The following IFT140 variants were observed in gnomAD, a reference collection of about 807,000 sequenced individuals.
IFT140 encodes intraflagellar transport 140.
In IFT140, 133 loss-of-function variants were observed where a neutral mutation model predicts 164.6. The observed-to-expected ratio is 0.81, with a 90% confidence interval of 0.70 to 0.93. The LOEUF is 0.93. Ranked by LOEUF, IFT140 falls within the 40% of genes least tolerant of loss-of-function variation. IFT140 has a pLI of 0.00. For synonymous variants in IFT140, 860 were observed against 817.3 expected (o/e 1.05, Z -0.89); for missense variants, 2,045 against 1,972.3 (o/e 1.04, Z -0.70).
intron 3 of IFT140, among the ~76,000 whole-genome samples, chr16:1,605,813 A>G (rs1178570756): frequency 6.6e-6 from 1 of 152,090 alleles, no homozygotes; most frequent in Non-Finnish European, 1.5e-5. Context: ...TGTCCCCACA[A>G]AGATATGTGG....
chr16:1,511,232 T>C, intron 30 of IFT140, 82 bp from the exon 31 acceptor site: 1 of 1,375,256 alleles, frequency 7.3e-7, no homozygotes, highest in East Asian at 2.5e-5. Context: ...CACGTGCTGC[T>C]GCCCCTGGAG....
intron 2 of IFT140, among the ~76,000 whole-genome samples, chr16:1,608,631 CAAA>C (rs10675170): frequency 1.2e-5 from 1 of 83,716 alleles, no homozygotes; most frequent in African/African-American, 4.8e-5. Context: ...GACTCCGCCT[CAAA>C]AAAAAAAAAA....
At chr16:1,570,274 G>A (rs1215481998) in intron 14 of IFT140, among the ~76,000 whole-genome samples, 1 of 152,194 alleles carries the variant, frequency 6.6e-6, no homozygotes, top group Non-Finnish European at 1.5e-5. Context: ...ACAGAGTGAG[G>A]AAATATGTGT....
In IFT140 at chr16:1,535,113, C is replaced by T. The variant is rs138222321; in HGVS notation, c.2400-8317G>A. ...AATAAACAAGAAGTTTAAAAATACA[C>T]GGGTGAGTTCTGGCTTTGTTCTCAC... On this transcript the variant is annotated intron_variant, in intron 19 of 30. Coordinates refer to ENST00000426508, the MANE Select transcript of IFT140 (RefSeq NM_014714.4). Among the ~76,000 whole-genome samples the T allele has an allele frequency of 2.6e-3, 392 of 152,164 alleles. 2 individuals are homozygous for T. The highest frequency in any genetic ancestry group is 0.014 in the Middle Eastern group (4 of 294).
At chr16:1,556,166 A>G (rs8053335) in intron 19 of IFT140, among the ~76,000 whole-genome samples, 12,481 of 152,358 alleles carry the variant, frequency 0.082, 617 homozygotes, top group African/African-American at 0.13. Flanking sequence ...TTGGTGGGCT[A>G]CAAAATTCCT....
At chr16:1,522,475 C>T (rs777294580) in intron 26 of IFT140, among the ~76,000 whole-genome samples, 21 of 152,184 alleles carry the variant, frequency 1.4e-4, no homozygotes, top group African/African-American at 4.3e-4. Context: ...GTGGAGGTTG[C>T]GGTGAGCTGA....
chr16:1,580,922 C>T, intron 12 of IFT140, 72 bp from the exon 13 acceptor site: 1 of 965,432 alleles, frequency 1.0e-6, no homozygotes, highest in South Asian at 1.3e-5. Context: ...CAGGAGCATT[C>T]CCACACACGA....
intron 19 of IFT140, among the ~76,000 whole-genome samples, chr16:1,538,545 C>A (rs1209889774): frequency 6.6e-6 from 1 of 152,134 alleles, no homozygotes; most frequent in Non-Finnish European, 1.5e-5. Context: ...CCCTCCAGGG[C>A]AGAGCGCAGA....
At chr16:1,591,928 G>T (rs962634715) in intron 6 of IFT140, among the ~76,000 whole-genome samples, 2 of 152,226 alleles carry the variant, frequency 1.3e-5, no homozygotes, top group African/African-American at 4.8e-5. Flanking sequence ...GCCTCCTCAT[G>T]AAAACCCTTC....
chr16:1,523,947 G>A lies in IFT140; in HGVS notation c.3151C>T (p.Leu1051=). ...NAIRLCKENG[L]DDQLMNLALL... is the part of the protein sequence containing the mutation. ...GCCAAGTTCATGAGCTGGTCGTCCA[G>A]GCCGTTCTCCTGCAGGGAGGGAGGC... The change falls in exon 25 of 31, where the codon CTG becomes TTG. Residue 1051 remains leucine (L), a synonymous_variant. Transcript: ENST00000426508. 1 of 1,612,186 alleles carries A rather than the reference G, an allele frequency of 6.2e-7. No individual in the cohort carries two copies. Among genetic ancestry groups the A allele is most frequent in the Non-Finnish European group, 8.5e-7 (1 of 1,179,974 alleles).
At chr16:1,555,381 G>A (rs2033010741) in intron 19 of IFT140, 2 of 239,298 alleles carry the variant, frequency 8.4e-6, no homozygotes, top group South Asian at 1.4e-4. Flanking sequence ...CATCTGCTGA[G>A]AGGGGCACCC....
At chr16:1,552,794 C>A (rs1277473145) in intron 19 of IFT140, 2 of 173,444 alleles carry the variant, frequency 1.2e-5, no homozygotes, top group Admixed American at 6.6e-5. Flanking sequence ...ATTACAGGTG[C>A]CTGCCACCAC....
intron 19 of IFT140, chr16:1,530,598 G>GA (rs1277432125): frequency 6.6e-6 from 1 of 152,272 alleles, no homozygotes; most frequent in African/African-American, 2.4e-5. Flanking sequence ...AATTGCGGTG[G>GA]AAAATCACAA....
At chr16:1,573,818 G>A (rs562681752) in intron 13 of IFT140, among the ~76,000 whole-genome samples, 6 of 152,218 alleles carry the variant, frequency 3.9e-5, no homozygotes, top group East Asian at 1.9e-4. Flanking sequence ...TCCCCACTAC[G>A]CTGGCACAGA....
intron 19 of IFT140, among the ~76,000 whole-genome samples, chr16:1,530,318 AGATGGG>A (rs1356344720): frequency 6.6e-6 from 1 of 151,608 alleles, no homozygotes; most frequent in Non-Finnish European, 1.5e-5. Context: ...TTTGTAGTAG[AGATGGG>A]GTTTCATCAT....
Position 1,533,444 on chromosome 16 carries a change from G to A in IFT140, c.2400-6648C>T, listed in dbSNP as rs191045731. ...GCCACCAGGCTTAAAAGCAACAGGC[G>A]AGACGAGGGATCTGTCCCGCACCCG... On this transcript the variant is annotated intron_variant, in intron 19 of 30. Coordinates refer to ENST00000426508, the MANE Select transcript of IFT140 (RefSeq NM_014714.4). The surrounding 1 kb of genome is among the most constrained non-coding windows in gnomAD (Gnocchi z 4.7). The A allele has an allele frequency of 6.6e-6, 1 of 152,466 alleles. No homozygotes were observed. Among genetic ancestry groups the A allele is most frequent in the East Asian group, 1.9e-4 (1 of 5,172 alleles). 9.4% of individuals were successfully genotyped at this position (152,466 alleles called of 1,614,324 possible). A position where few individuals can be genotyped will look rare whatever the true frequency, so the allele number is the denominator to read the frequency against.
In IFT140 at chr16:1,536,209, G is replaced by T. The variant is rs1027001516; in HGVS notation, c.2400-9413C>A. On this transcript the variant is annotated intron_variant, in intron 19 of 30. Transcript: ENST00000426508. ...AGGCAGCCCAATCTCAGGGCAGCTG[G>T]AAGCCTTGGCGCCCCTCCCTGTTGC... is the stretch of plus-strand genomic sequence containing the variant. Among the ~76,000 whole-genome samples, 5 of 152,372 alleles carry T rather than the reference G, an allele frequency of 3.3e-5. No individual in the cohort carries two copies. The South Asian group carries it at 8.3e-4, about 25-fold the overall frequency.
intron 30 of IFT140, among the ~76,000 whole-genome samples, chr16:1,514,111 G>A (rs1488074743): frequency 6.6e-6 from 1 of 150,632 alleles, no homozygotes. Flanking sequence ...CCTCACGCCT[G>A]TAATCCCAGC....
chr16:1,584,494 C>CTTA, intron 10 of IFT140, 74 bp from the exon 11 acceptor site: 1 of 1,177,942 alleles, frequency 8.5e-7, no homozygotes, highest in South Asian at 1.3e-5. Context: ...CAGGAGAATA[C>CTTA]TTACACACAC....
Sources: allele counts gnomAD v4.1 joint callset (sites outside exome capture counted in the v4.1 genomes callset), GRCh38; gene constraint gnomAD v4.1.1; non-coding constraint Gnocchi (gnomAD v3.1); transcripts MANE v1.5; gene names NCBI Gene and HGNC (gene_info 2026-07-23, HGNC 2026-07-21).